The following FAM83B variants were observed in gnomAD, a reference collection of about 807,000 sequenced individuals.
The protein encoded by FAM83B is scaffolding CK1 anchoring protein B.
Under a neutral mutation model 38.8 loss-of-function variants are expected in FAM83B, and 26 were observed. The observed-to-expected ratio is 0.67, with a 90% CI of 0.49 to 0.93. The LOEUF (loss-of-function observed/expected upper bound fraction) is 0.93, where lower values mean the gene tolerates loss of function less well. Among genes scored for constraint, FAM83B ranks in the 40% least tolerant of loss-of-function variants. The probability of loss-of-function intolerance (pLI) is 0.00; values close to 1 mark genes in which losing one functional copy is unlikely to be tolerated. For synonymous variants in FAM83B, 419 were observed against 423.1 expected, an observed-to-expected ratio of 0.99 and a Z score of 0.12; for missense variants, 1,237 against 1,197.3, an observed-to-expected ratio of 1.03 and a Z score of -0.49.
chr6:54,851,016 C>CA (rs34700607), intron 1 of FAM83B, among the ~76,000 whole-genome samples: 19 of 83,514 alleles, frequency 2.3e-4, no homozygotes, highest in Admixed American at 3.0e-4. Context: ...AGACTCATCT[C>CA]AAAAAAAAAA....
intron 2 of FAM83B, among the ~76,000 whole-genome samples, chr6:54,903,599 T>A (rs1772711043): frequency 1.3e-5 from 2 of 152,204 alleles, no homozygotes; most frequent in Admixed American, 1.3e-4. Flanking sequence ...TTTTAATAAT[T>A]ATTCTTTTGG....
rs190984811 is a variant in FAM83B, at chr6:54,860,777, C to T, written c.-60-9410C>T. ...ACATAATCGTATCACACCCCATATA[C>T]GAAAATTAATTTGAGATGAATCAAA... On this transcript the variant is annotated intron_variant, in intron 1 of 4. Transcript: ENST00000306858. Among the ~76,000 whole-genome samples, 27 of 152,250 alleles carry T rather than the reference C, an allele frequency of 1.8e-4. No homozygotes were observed. In the East Asian group the frequency reaches 4.6e-3, roughly 26 times the overall value.
At chr6:54,933,641 G>A (rs1411764014) in intron 4 of FAM83B, among the ~76,000 whole-genome samples, 1 of 151,984 alleles carries the variant, frequency 6.6e-6, no homozygotes, top group East Asian at 1.9e-4. Context: ...TTTGTTCAGG[G>A]AAAGACCTTT....
intron 1 of FAM83B, among the ~76,000 whole-genome samples, chr6:54,851,943 G>A (rs569763101): frequency 9.9e-4 from 150 of 151,750 alleles, no homozygotes; most frequent in African/African-American, 2.6e-3. Flanking sequence ...CACCGCGCCC[G>A]GCCTAATTTT....
intron 2 of FAM83B, among the ~76,000 whole-genome samples, chr6:54,898,264 A>G (rs1407769929): frequency 2.6e-5 from 4 of 152,260 alleles, no homozygotes; most frequent in Middle Eastern, 3.4e-3. Context: ...TCCGTCCAAT[A>G]TGTCTCTAGC....
intron 3 of FAM83B, 45 bp from the exon 4 acceptor site, chr6:54,927,463 T>TTTTCCTAGCC (rs764657875): frequency 1.4e-6 from 2 of 1,451,276 alleles, no homozygotes; most frequent in Admixed American, 4.2e-5. Flanking sequence ...CAAAATATTC[T>TTTTCCTAGCC]TTTCCTAGCC....
chr6:54,861,744 C>T (rs990299694), intron 1 of FAM83B, among the ~76,000 whole-genome samples: 4 of 151,960 alleles, frequency 2.6e-5, no homozygotes, highest in Non-Finnish European at 4.4e-5. Context: ...TCTCACTGTC[C>T]GATAATGAGA....
chr6:54,850,243 T>A (rs1482368224), intron 1 of FAM83B, among the ~76,000 whole-genome samples: 1 of 152,190 alleles, frequency 6.6e-6, no homozygotes, highest in Non-Finnish European at 1.5e-5. Context: ...AGCCCTGGGA[T>A]AGTCATGTTT....
At chr6:54,874,924 G>A (rs1294885977) in intron 2 of FAM83B, among the ~76,000 whole-genome samples, 1 of 152,044 alleles carries the variant, frequency 6.6e-6, no homozygotes, top group African/African-American at 2.4e-5. Flanking sequence ...GCCTTGGGAG[G>A]TATTAGTAAT....
In FAM83B at chr6:54,884,319, G is replaced by A. The variant is rs141849479; in HGVS notation, c.444+13629G>A. Among the ~76,000 whole-genome samples, 151 of 56,746 alleles carry A rather than the reference G, an allele frequency of 2.7e-3. 1 individual carries two copies. The highest frequency in any genetic ancestry group is 2.8e-3 in the Non-Finnish European group (87 of 31,234). The allele number at this position is 56,746 out of a possible 152,430, so 37.2% of individuals were successfully genotyped here. ...CCGTCTAAAAAAAAAAAAAAAAAAAGAGAAAAATAGAAAATGAGCTGGGTG... is the reference window on the plus strand; with the variant it reads ...CCGTCTAAAAAAAAAAAAAAAAAAAAAGAAAAATAGAAAATGAGCTGGGTG... On this transcript the variant is annotated intron_variant, in intron 2 of 4. Transcript: ENST00000306858.
chr6:54,851,051 T>C (rs1300914922), intron 1 of FAM83B, among the ~76,000 whole-genome samples: 1 of 151,566 alleles, frequency 6.6e-6, no homozygotes, highest in African/African-American at 2.4e-5. Flanking sequence ...GCTGTATTTT[T>C]CTCAAATGTA....
chr6:54,864,393 A>G (rs1021864694), intron 1 of FAM83B, among the ~76,000 whole-genome samples: 6 of 152,162 alleles, frequency 3.9e-5, no homozygotes, highest in African/African-American at 1.4e-4. Context: ...GTTTGATAAG[A>G]TGGGTGATTC....
chr6:54,867,321 A>G (rs532119758), intron 1 of FAM83B, among the ~76,000 whole-genome samples: 1 of 152,162 alleles, frequency 6.6e-6, no homozygotes, highest in Admixed American at 6.5e-5. Flanking sequence ...AATACTCACT[A>G]TGCAAGTGCC....
At position 54,927,500 on chromosome 6, in the gene FAM83B, A is replaced by C; in HGVS notation, c.610-8A>C. ...TAATGTCTGCTTTTTATTTACATAT[A>C]ATTCTAGAATATTCGAGTGCGAACA... is the stretch of plus-strand genomic sequence containing the variant. On this transcript the variant is annotated splice_polypyrimidine_tract_variant and splice_region_variant and intron_variant, in intron 3 of 4. Coordinates refer to ENST00000306858, the MANE Select transcript of FAM83B (RefSeq NM_001010872.3). The C allele has an allele frequency of 6.4e-7, 1 of 1,573,634 alleles. No individual in the cohort carries two copies. Among genetic ancestry groups the C allele is most frequent in the African/African-American group, 1.3e-5 (1 of 74,346 alleles).
chr6:54,874,600 GTCT>G (rs768838801), intron 2 of FAM83B, among the ~76,000 whole-genome samples: 1 of 152,050 alleles, frequency 6.6e-6, no homozygotes. Flanking sequence ...ACTTAAAAAA[GTCT>G]TCTTTCATTA....
chr6:54,859,059 A>AC (rs1239935780), intron 1 of FAM83B, among the ~76,000 whole-genome samples: 1 of 140,816 alleles, frequency 7.1e-6, no homozygotes, highest in African/African-American at 2.7e-5. Flanking sequence ...CACCGTGCCC[A>AC]CCCCCCAGCC....
chr6:54,896,600 G>A (rs1265365622), intron 2 of FAM83B, among the ~76,000 whole-genome samples: 2 of 152,122 alleles, frequency 1.3e-5, no homozygotes, highest in African/African-American at 4.8e-5. Flanking sequence ...GTTAAGAAGC[G>A]TACAAAAGAA....
rs184517951 is a variant in FAM83B, at chr6:54,896,381, T to C, written c.444+25691T>C. On this transcript the variant is annotated intron_variant, in intron 2 of 4. Transcript: ENST00000306858. ...ATCCACTGAGCAGCCAAAACAGACATGCAAAGCTTGTTGGTAGAAGAAGCC... is the reference window on the plus strand; with the variant it reads ...ATCCACTGAGCAGCCAAAACAGACACGCAAAGCTTGTTGGTAGAAGAAGCC... Among the ~76,000 whole-genome samples, 135 of 152,266 alleles carry C rather than the reference T, an allele frequency of 8.9e-4. 3 individuals are homozygous for C. Among genetic ancestry groups the C allele is most frequent in the Admixed American group, 8.8e-3 (134 of 15,284 alleles).
At chr6:54,922,797 C>T (rs755413604) in intron 2 of FAM83B, among the ~76,000 whole-genome samples, 2 of 151,952 alleles carry the variant, frequency 1.3e-5, no homozygotes, top group South Asian at 2.1e-4. Context: ...TAACTTTGCT[C>T]ATCTTCTAAG....
Sources: gnomAD v4.1 joint callset for allele counts (sites outside exome capture counted in the v4.1 genomes callset) on GRCh38, gnomAD v4.1.1 for gene constraint, MANE v1.5 for transcripts, NCBI Gene and HGNC (gene_info 2026-07-23, HGNC 2026-07-21) for gene names.